ATG16L1: variants seen among roughly 807,000 people sequenced by gnomAD.
The protein encoded by ATG16L1 is autophagy-related protein 16-1.
In ATG16L1, 37 loss-of-function variants were observed where a neutral mutation model predicts 88.5. That is an observed-to-expected ratio of 0.42 (90% CI 0.32 to 0.55). The LOEUF (loss-of-function observed/expected upper bound fraction) is 0.55. ATG16L1 is among the 20% of genes least tolerant of loss of function. The probability of loss-of-function intolerance (pLI) is 0.13; values close to 1 mark genes in which losing one functional copy is unlikely to be tolerated. For missense variants in ATG16L1, 554 were observed against 752.8 expected (o/e 0.74, Z 3.09); for synonymous variants, 301 against 281.0 (o/e 1.07, Z -0.71).
At chr2:233,267,998 C>T (rs1697728219) in intron 5 of ATG16L1, among the ~76,000 whole-genome samples, 1 of 152,222 alleles carries the variant, frequency 6.6e-6, no homozygotes, top group African/African-American at 2.4e-5. Context: ...TCATTACCCA[C>T]TTCCTGCCTC....
chr2:233,252,565 A>AAT, intron 1 of ATG16L1, among the ~76,000 whole-genome samples: 1 of 151,688 alleles, frequency 6.6e-6, no homozygotes, highest in South Asian at 2.1e-4. Context: ...TTAAAAAAAA[A>AAT]TTTTTTGGAA....
At chr2:233,293,390 G>A (rs80149599) in intron 17 of ATG16L1, 33 bp downstream of exon 17, 16,185 of 1,585,168 alleles carry the variant, frequency 0.01, 114 homozygotes, top group Admixed American at 0.026. Context: ...CCCCCGTTGC[G>A]TTGTGAGCAA....
intron 12 of ATG16L1, among the ~76,000 whole-genome samples, chr2:233,285,190 T>A (rs2125281350): frequency 6.6e-6 from 1 of 152,386 alleles, no homozygotes; most frequent in African/African-American, 2.4e-5. Flanking sequence ...CTGTGATTTA[T>A]CTATCCATTG....
chr2:233,290,529 G>C (rs2125297815), intron 14 of ATG16L1, among the ~76,000 whole-genome samples, 176 bp downstream of exon 14: 1 of 152,292 alleles, frequency 6.6e-6, no homozygotes. Context: ...GTGGAGCTTA[G>C]CAATCATTTA....
At chr2:233,294,187 GTGT>G in intron 17 of ATG16L1, 67 bp from the exon 18 acceptor site, 1 of 1,256,780 alleles carries the variant, frequency 8.0e-7, no homozygotes, top group Non-Finnish European at 1.1e-6. Flanking sequence ...CAAGCTTCTG[GTGT>G]TTGGTTTACC....
rs773943411 is a variant in ATG16L1 at position 233,273,055 on chromosome 2, A to G, written c.794+3A>G. On this transcript the variant is annotated splice_donor_region_variant and intron_variant, in intron 7 of 17. Transcript: ENST00000392017. ...CGAGCCATCAGCAGAGCAGCCACGT[A>G]AGTAGGCAGGTTTGGGCCAGGGAAA... The G allele has an allele frequency of 6.2e-7, 1 of 1,613,670 alleles. No individual in the cohort carries two copies. The highest frequency in any genetic ancestry group is 2.2e-5 in the East Asian group (1 of 44,888).
chr2:233,274,258 G>T, intron 8 of ATG16L1: 1 of 552,410 alleles, frequency 1.8e-6, no homozygotes, highest in East Asian at 2.8e-5. Flanking sequence ...GCATGCGTTA[G>T]ACTCCACATT....
intron 13 of ATG16L1, 86 bp from the exon 14 acceptor site, chr2:233,290,162 C>CAA: frequency 6.6e-7 from 1 of 1,516,670 alleles, no homozygotes. Flanking sequence ...GTAACTCTGA[C>CAA]AAGTCAGTGG....
At chr2:233,259,965 G>C (rs987354408) in intron 2 of ATG16L1, among the ~76,000 whole-genome samples, 1 of 152,204 alleles carries the variant, frequency 6.6e-6, no homozygotes, top group Admixed American at 6.5e-5. Flanking sequence ...TAGGGCTGTA[G>C]AGATGAGTAA....
At position 233,274,769 on chromosome 2, in the gene ATG16L1, G is replaced by C. The variant is rs376992440; in HGVS notation, c.945G>C (p.Leu315Phe). The part of the protein sequence containing the change: ...GKEVRVPATA[L>F]CVFDAHDGEV... ...AAGTGAGGGTACCAGCTACTGCCTT[G>C]TGTGTCTTCGTAAGTATGCTTCAGC... Residue 315 changes from leucine (L) to phenylalanine (F), a missense_variant, in exon 9 of 18, where the codon TTG (leucine) becomes TTC (phenylalanine). Leu to Phe is a conservative substitution (Grantham distance 22, BLOSUM62 0). Transcript: ENST00000392017. 12 of 1,610,208 alleles carry C rather than the reference G, an allele frequency of 7.5e-6. No homozygotes were observed. Among genetic ancestry groups the C allele is most frequent in the South Asian group, 1.1e-5 (1 of 90,982 alleles).
At chr2:233,266,680 C>G (rs1227065897) in intron 5 of ATG16L1, among the ~76,000 whole-genome samples, 1 of 152,198 alleles carries the variant, frequency 6.6e-6, no homozygotes, top group Non-Finnish European at 1.5e-5. Context: ...GCACTACCAT[C>G]ATGTTTGTGG....
Position 233,277,598 on chromosome 2 carries a change from C to T in ATG16L1, c.985C>T (p.Gln329Ter). ...ACATGATGGGGAAGTCAACGCTGTG[C>T]AGTTCAGTCCAGGTTCCCGGTTACT... ...DAHDGEVNAV[Q>*]FSPGSRLLAT... Residue 329 changes from glutamine to a stop codon, truncating the protein, a stop_gained, in exon 10 of 18, where the codon CAG (glutamine) becomes TAG (stop). Coordinates refer to ENST00000392017, the MANE Select transcript of ATG16L1 (RefSeq NM_030803.7). LOFTEE classifies it high-confidence loss of function. 1 of 1,614,038 alleles carries T rather than the reference C, an allele frequency of 6.2e-7. No homozygotes were observed. Among genetic ancestry groups the T allele is most frequent in the Non-Finnish European group, 8.5e-7 (1 of 1,179,930 alleles).
chr2:233,259,154 A>G, intron 2 of ATG16L1, among the ~76,000 whole-genome samples: 1 of 152,136 alleles, frequency 6.6e-6, no homozygotes, highest in African/African-American at 2.4e-5. Flanking sequence ...ACCTCCTTGA[A>G]AACAGGGATT....
intron 14 of ATG16L1, 134 bp from the exon 15 acceptor site, chr2:233,291,994 G>A (rs1382497043): frequency 9.9e-7 from 1 of 1,005,898 alleles, no homozygotes; most frequent in Non-Finnish European, 1.5e-6. Flanking sequence ...GTTATTAGAA[G>A]ACTGGGAACA....
intron 12 of ATG16L1, among the ~76,000 whole-genome samples, chr2:233,288,026 ATCTTACGGAAGGATCAGTGGG>A (rs1232714767): frequency 6.6e-6 from 1 of 152,068 alleles, no homozygotes; most frequent in African/African-American, 2.4e-5. Flanking sequence ...AGCTTTCTTG[ATCTTACGGAAGGATCAGTGGG>A]AGGTTTTCAC....
chr2:233,253,329 TG>T (rs1386583633), intron 1 of ATG16L1, among the ~76,000 whole-genome samples: 9 of 129,000 alleles, frequency 7.0e-5, no homozygotes, highest in African/African-American at 1.7e-4. Context: ...ATGGTGAGAC[TG>T]GGTTTTTTTG....
chr2:233,289,147 G>T lies in ATG16L1; in HGVS notation c.1204-707G>T, dbSNP rs556034005. On this transcript the variant is annotated intron_variant, in intron 12 of 17. Transcript: ENST00000392017. ...AAAAATTACAAAAACAGTACAGCAG[G>T]TATCTGTGGTAGAGCTGATTTCAAA... Among the ~76,000 whole-genome samples the T allele has an allele frequency of 5.3e-5, 8 of 152,286 alleles. No homozygotes were observed. In the South Asian group the frequency reaches 8.3e-4, roughly 16 times the overall value.
At chr2:233,286,621 C>CAG in intron 12 of ATG16L1, among the ~76,000 whole-genome samples, 1 of 93,296 alleles carries the variant, frequency 1.1e-5, no homozygotes, top group South Asian at 4.4e-4. Context: ...GAAGCCCAAA[C>CAG]TTTTTTTTTT....
In ATG16L1 at chr2:233,281,557, G is replaced by T. The variant is rs545900769; in HGVS notation, c.1131+382G>T. On this transcript the variant is annotated intron_variant, in intron 11 of 17. Coordinates refer to ENST00000392017, the MANE Select transcript of ATG16L1 (RefSeq NM_030803.7). ...TTGTGCTGAGTTATGGCTGAGATGT[G>T]TGTGGAGTAGAAAGGAAATACTGAT... Among the ~76,000 whole-genome samples the T allele has an allele frequency of 2.0e-5, 3 of 152,322 alleles. No individual in the cohort carries two copies. The South Asian group carries it at 6.2e-4, about 32-fold the overall frequency.
Sources: gnomAD v4.1 joint callset for allele counts (sites outside exome capture counted in the v4.1 genomes callset) on GRCh38, gnomAD v4.1.1 for gene constraint, MANE v1.5 for transcripts, NCBI Gene and HGNC (gene_info 2026-07-23, HGNC 2026-07-21) for gene names.